The following TAFA2 variants were observed in gnomAD, a reference collection of about 807,000 sequenced individuals.
The protein encoded by TAFA2 is chemokine-like protein TAFA-2.
A neutral mutation model predicts 18.8 loss-of-function variants in TAFA2; 7 were observed. The observed-to-expected ratio is 0.37, with a 90% CI of 0.21 to 0.70. The LOEUF is 0.70. TAFA2 is among the 30% of genes least tolerant of loss of function. TAFA2 has a pLI of 0.53. For synonymous variants in TAFA2, 60 were observed against 54.2 expected (o/e 1.11, Z -0.47); for missense variants, 122 against 158.1 (o/e 0.77, Z 1.23).
At chr12:61,992,876 A>T (rs1219254327) in intron 1 of TAFA2, among the ~76,000 whole-genome samples, 2 of 152,228 alleles carry the variant, frequency 1.3e-5, no homozygotes, top group East Asian at 1.9e-4. Context: ...GAAAGAATAG[A>T]CTGAATGATT....
chr12:62,012,006 C>T (rs999239632), intron 1 of TAFA2, among the ~76,000 whole-genome samples: 9 of 152,178 alleles, frequency 5.9e-5, no homozygotes, highest in African/African-American at 1.2e-4. Context: ...AGTGTTTATA[C>T]GCTACTGACA....
intron 1 of TAFA2, among the ~76,000 whole-genome samples, chr12:62,067,470 C>A (rs924192590): frequency 6.6e-6 from 1 of 151,988 alleles, no homozygotes; most frequent in Non-Finnish European, 1.5e-5. Flanking sequence ...AGTCTTTAAT[C>A]CACTTTTATT....
chr12:62,110,812 T>C (rs1869696567), intron 1 of TAFA2, among the ~76,000 whole-genome samples: 1 of 152,128 alleles, frequency 6.6e-6, no homozygotes, highest in Admixed American at 6.5e-5. Flanking sequence ...TGGTAGTTTA[T>C]ATTGCTGTGG....
At chr12:61,746,324 G>A (rs577485574) in intron 4 of TAFA2, among the ~76,000 whole-genome samples, 2 of 152,158 alleles carry the variant, frequency 1.3e-5, no homozygotes, top group East Asian at 3.9e-4. Flanking sequence ...GGCCTCCCCA[G>A]CAATGTGGAA....
chr12:61,831,290 G>A (rs568296316), intron 2 of TAFA2, among the ~76,000 whole-genome samples: 64 of 151,944 alleles, frequency 4.2e-4, no homozygotes, highest in Non-Finnish European at 8.4e-4. Context: ...AACAGTTTAT[G>A]GACCATACAG....
intron 2 of TAFA2, among the ~76,000 whole-genome samples, chr12:61,865,690 G>T (rs907424146): frequency 1.3e-5 from 2 of 152,206 alleles, no homozygotes; most frequent in South Asian, 2.1e-4. Flanking sequence ...TTTAACAATA[G>T]TATGCAATAT....
intron 4 of TAFA2, among the ~76,000 whole-genome samples, chr12:61,738,244 A>C (rs531326310): frequency 6.6e-6 from 1 of 151,346 alleles, no homozygotes; most frequent in African/African-American, 2.4e-5. Context: ...ACCTCATCTA[A>C]AATTGCAACA....
intron 2 of TAFA2, among the ~76,000 whole-genome samples, chr12:61,759,461 A>T (rs971293506): frequency 6.6e-6 from 1 of 152,042 alleles, no homozygotes; most frequent in African/African-American, 2.4e-5. Flanking sequence ...AGAGCAACGA[A>T]TTATGTTGTT....
At chr12:61,877,903 T>TTATA (rs1319686903) in intron 1 of TAFA2, among the ~76,000 whole-genome samples, 33 of 144,080 alleles carry the variant, frequency 2.3e-4, no homozygotes, top group African/African-American at 5.4e-4. Context: ...ATTGTGATTT[T>TTATA]TATATATATA....
At chr12:62,213,181 CAGTT>C (rs1362773853) in intron 1 of TAFA2, among the ~76,000 whole-genome samples, 1 of 152,116 alleles carries the variant, frequency 6.6e-6, no homozygotes, top group African/African-American at 2.4e-5. Context: ...GTAAGGGTCA[CAGTT>C]AGAGAAGTAG....
chr12:61,745,017 T>C (rs924506050), intron 4 of TAFA2, among the ~76,000 whole-genome samples: 2 of 152,128 alleles, frequency 1.3e-5, no homozygotes, highest in African/African-American at 4.8e-5. Context: ...CCCTTAAGTG[T>C]TATGTTTCAC....
intron 2 of TAFA2, among the ~76,000 whole-genome samples, chr12:61,788,392 T>C (rs1476256453): frequency 6.6e-6 from 1 of 151,744 alleles, no homozygotes; most frequent in Non-Finnish European, 1.5e-5. Context: ...ATTCAACAGC[T>C]GCAGAATACA....
intron 2 of TAFA2, among the ~76,000 whole-genome samples, chr12:61,826,338 CTGTG>C (rs57736074): frequency 6.0e-5 from 9 of 149,024 alleles, no homozygotes; most frequent in East Asian, 2.0e-4. Context: ...ATTAGTTCAT[CTGTG>C]TGTGTGTGTG....
intron 1 of TAFA2, among the ~76,000 whole-genome samples, chr12:61,910,500 C>A (rs1876563175): frequency 6.6e-6 from 1 of 152,170 alleles, no homozygotes; most frequent in Admixed American, 6.5e-5. Flanking sequence ...CCAACATTCT[C>A]CCCAGAGGTT....
At chr12:61,798,255 T>C (rs1871268988) in intron 2 of TAFA2, among the ~76,000 whole-genome samples, 1 of 152,156 alleles carries the variant, frequency 6.6e-6, no homozygotes, top group African/African-American at 2.4e-5. Context: ...AAATCATTTC[T>C]CTTAACTATT....
intron 1 of TAFA2, among the ~76,000 whole-genome samples, chr12:62,169,297 T>C (rs781257143): frequency 6.6e-6 from 1 of 152,126 alleles, no homozygotes; most frequent in Non-Finnish European, 1.5e-5. Flanking sequence ...GCAATGGAGT[T>C]AGCACTCCAA....
chr12:61,912,856 C>G (rs562427706), intron 1 of TAFA2, among the ~76,000 whole-genome samples: 1 of 152,264 alleles, frequency 6.6e-6, no homozygotes, highest in South Asian at 2.1e-4. Context: ...CAATTCTGAT[C>G]TTAGTTAGCT....
chr12:61,762,168 T>C (rs1869579645), intron 2 of TAFA2, among the ~76,000 whole-genome samples: 1 of 152,032 alleles, frequency 6.6e-6, no homozygotes, highest in Non-Finnish European at 1.5e-5. Flanking sequence ...AATTACCCAG[T>C]CTCAGGTATT....
At chr12:62,186,159 A>G (rs1341167487) in intron 1 of TAFA2, among the ~76,000 whole-genome samples, 3 of 152,162 alleles carry the variant, frequency 2.0e-5, no homozygotes, top group Non-Finnish European at 4.4e-5. Context: ...TTTCTTTATT[A>G]TTAAACTCAA....
Sources: allele counts gnomAD v4.1 joint callset (sites outside exome capture counted in the v4.1 genomes callset), GRCh38; gene constraint gnomAD v4.1.1; transcripts MANE v1.5; gene names NCBI Gene and HGNC (gene_info 2026-07-23, HGNC 2026-07-21).